NRG3: variants seen among roughly 807,000 people sequenced by gnomAD.
NRG3 encodes pro-neuregulin-3, membrane-bound isoform.
Under a neutral mutation model 66.9 loss-of-function variants are expected in NRG3, and 31 were observed. The observed-to-expected ratio is 0.46, with a 90% CI of 0.35 to 0.63. The LOEUF (loss-of-function observed/expected upper bound fraction) is 0.63, where lower values mean the gene tolerates loss of function less well. Among genes scored for constraint, NRG3 ranks in the 20% least tolerant of loss-of-function variants. The pLI, the probability that NRG3 is intolerant of heterozygous loss-of-function variation, is 0.00. For synonymous variants in NRG3, 393 were observed against 359.4 expected, an observed-to-expected ratio of 1.09 and a Z score of -1.06; for missense variants, 910 against 878.9, an observed-to-expected ratio of 1.04 and a Z score of -0.45.
chr10:82,382,941 T>C (rs1248720453), intron 2 of NRG3, among the ~76,000 whole-genome samples: 1 of 152,002 alleles, frequency 6.6e-6, no homozygotes, highest in Non-Finnish European at 1.5e-5. Flanking sequence ...CCTCTAATAA[T>C]GTACTTAAGA....
intron 3 of NRG3, among the ~76,000 whole-genome samples, chr10:82,786,092 A>G (rs1245463195): frequency 6.6e-6 from 1 of 152,184 alleles, no homozygotes; most frequent in African/African-American, 2.4e-5. Flanking sequence ...CAGCAGAGCC[A>G]TAGGAGTGAG....
chr10:82,250,963 G>C (rs922183111), intron 1 of NRG3, among the ~76,000 whole-genome samples: 1 of 152,202 alleles, frequency 6.6e-6, no homozygotes, highest in African/African-American at 2.4e-5. Flanking sequence ...GACTGACAAC[G>C]TTCTGGCTTG....
At chr10:81,878,181 G>A (rs1273302968) in intron 1 of NRG3, 3 of 1,214,976 alleles carry the variant, frequency 2.5e-6, no homozygotes, top group Non-Finnish European at 3.3e-6. Flanking sequence ...ATTATTGACA[G>A]GGCCCTCAGC....
At chr10:81,919,670 A>G (rs555226320) in intron 1 of NRG3, among the ~76,000 whole-genome samples, 35 of 152,270 alleles carry the variant, frequency 2.3e-4, no homozygotes, top group Non-Finnish European at 4.6e-4. Flanking sequence ...GGTTCCCCCA[A>G]AAATTATTGA....
At chr10:82,928,998 A>G (rs1245968960) in intron 4 of NRG3, among the ~76,000 whole-genome samples, 2 of 152,182 alleles carry the variant, frequency 1.3e-5, no homozygotes, top group Non-Finnish European at 2.9e-5. Flanking sequence ...AGTGGAGGAA[A>G]AACATGAACT....
intron 1 of NRG3, among the ~76,000 whole-genome samples, chr10:82,127,006 A>C (rs1343121426): frequency 6.6e-6 from 1 of 152,060 alleles, no homozygotes; most frequent in Non-Finnish European, 1.5e-5. Context: ...CATTCTCATG[A>C]CTATGGTGAG....
intron 1 of NRG3, among the ~76,000 whole-genome samples, chr10:82,274,489 A>G (rs190666623): frequency 1.1e-4 from 17 of 152,190 alleles, no homozygotes; most frequent in Admixed American, 7.9e-4. Flanking sequence ...ATAAAAATGA[A>G]TGAAAATTGC....
chr10:82,079,839 A>G (rs1244658141), intron 1 of NRG3, among the ~76,000 whole-genome samples: 2 of 152,168 alleles, frequency 1.3e-5, no homozygotes, highest in Non-Finnish European at 2.9e-5. Context: ...GTACCACCAG[A>G]TATAGGTATC....
chr10:82,124,865 A>T (rs2068330140), intron 1 of NRG3, among the ~76,000 whole-genome samples: 2 of 152,110 alleles, frequency 1.3e-5, no homozygotes, highest in South Asian at 4.2e-4. Context: ...ACAGCAAAAC[A>T]TCATATCATC....
intron 2 of NRG3, among the ~76,000 whole-genome samples, chr10:82,675,677 A>G (rs1478247822): frequency 1.3e-5 from 2 of 152,206 alleles, no homozygotes; most frequent in African/African-American, 2.4e-5. Context: ...CATTTAACCT[A>G]TAAATTAAAT....
intron 2 of NRG3, among the ~76,000 whole-genome samples, chr10:82,566,252 G>A (rs139307062): frequency 1.3e-5 from 2 of 151,966 alleles, no homozygotes; most frequent in African/African-American, 2.4e-5. Flanking sequence ...TGCTTGTTAA[G>A]TGTTCAATAG....
intron 2 of NRG3, among the ~76,000 whole-genome samples, chr10:82,645,846 T>C (rs1174895005): frequency 6.6e-6 from 1 of 152,108 alleles, no homozygotes; most frequent in African/African-American, 2.4e-5. Flanking sequence ...TTTTTTTAAT[T>C]TTTATTTTTT....
At chr10:81,963,125 CTT>C (rs777026850) in intron 1 of NRG3, among the ~76,000 whole-genome samples, 8 of 70,112 alleles carry the variant, frequency 1.1e-4, no homozygotes, top group Admixed American at 1.8e-4. Flanking sequence ...CACGAGGGCT[CTT>C]TTTTTTTTTT....
intron 2 of NRG3, among the ~76,000 whole-genome samples, chr10:82,728,187 G>A (rs535277607): frequency 6.6e-6 from 1 of 152,108 alleles, no homozygotes; most frequent in African/African-American, 2.4e-5. Flanking sequence ...AAGACTTTGG[G>A]GGACTGTAGG....
At chr10:81,892,539 C>T (rs1335804013) in intron 1 of NRG3, among the ~76,000 whole-genome samples, 3 of 151,964 alleles carry the variant, frequency 2.0e-5, no homozygotes, top group Admixed American at 6.6e-5. Context: ...TATACCTCAA[C>T]GAAAGGCAAT....
intron 3 of NRG3, among the ~76,000 whole-genome samples, chr10:82,817,125 A>G (rs1424833244): frequency 6.6e-6 from 1 of 152,152 alleles, no homozygotes; most frequent in African/African-American, 2.4e-5. Context: ...TGCATTGTGC[A>G]TTTGTCTCTT....
intron 1 of NRG3, among the ~76,000 whole-genome samples, chr10:81,881,630 A>G (rs550081577): frequency 6.6e-6 from 1 of 152,282 alleles, no homozygotes; most frequent in South Asian, 2.1e-4. Context: ...GGGCATTGCA[A>G]TGCTGTTAAG....
At chr10:82,437,414 G>T (rs1310495140) in intron 2 of NRG3, among the ~76,000 whole-genome samples, 1 of 151,768 alleles carries the variant, frequency 6.6e-6, no homozygotes, top group Non-Finnish European at 1.5e-5. Flanking sequence ...CTCTAAACAG[G>T]TTATTCTAGT....
intron 2 of NRG3, among the ~76,000 whole-genome samples, chr10:82,644,655 C>T (rs1012052038): frequency 6.6e-6 from 1 of 152,022 alleles, no homozygotes; most frequent in Admixed American, 6.6e-5. Flanking sequence ...GTTTTTTCTT[C>T]AGTAGGAGAG....
Sources: gnomAD v4.1 joint callset for allele counts (sites outside exome capture counted in the v4.1 genomes callset) on GRCh38, gnomAD v4.1.1 for gene constraint, MANE v1.5 for transcripts, NCBI Gene and HGNC (gene_info 2026-07-23, HGNC 2026-07-21) for gene names.